The following ELAPOR1 variants were observed in gnomAD, a reference collection of about 807,000 sequenced individuals.
ELAPOR1 encodes endosome-lysosome associated apoptosis and autophagy regulator 1, also known as endosome/lysosome-associated apoptosis and autophagy regulator 1.
In ELAPOR1, 77 loss-of-function variants were observed where a neutral mutation model predicts 119.7. The ratio of observed to expected loss-of-function variants is 0.64; its 90% confidence interval spans 0.54 to 0.78. ELAPOR1 has a LOEUF of 0.78. Ranked by LOEUF, ELAPOR1 falls within the 30% of genes least tolerant of loss-of-function variation. The pLI is 0.00. For missense variants in ELAPOR1, 1,115 were observed against 1,270.4 expected, an observed-to-expected ratio of 0.88 and a Z score of 1.86; for synonymous variants, 481 against 487.2, an observed-to-expected ratio of 0.99 and a Z score of 0.17.
intron 3 of ELAPOR1, among the ~76,000 whole-genome samples, chr1:109,166,380 T>C (rs1651603027): frequency 6.6e-6 from 1 of 152,228 alleles, no homozygotes; most frequent in African/African-American, 2.4e-5. Flanking sequence ...TGCCTAGCCT[T>C]TGCCCAGTGC....
intron 7 of ELAPOR1, among the ~76,000 whole-genome samples, chr1:109,181,896 G>A (rs1332736953): frequency 6.6e-6 from 1 of 152,168 alleles, no homozygotes; most frequent in Admixed American, 6.5e-5. Context: ...CAACAAGACT[G>A]CAATTAGGAG....
intron 3 of ELAPOR1, among the ~76,000 whole-genome samples, chr1:109,167,633 A>C (rs538888288): frequency 4.6e-5 from 7 of 151,934 alleles, no homozygotes; most frequent in Admixed American, 4.6e-4. Flanking sequence ...TTAAGAAACA[A>C]GGTCTCACTC....
At chr1:109,116,680 C>CTTCTGTTCTTTT (rs777051377) in intron 1 of ELAPOR1, among the ~76,000 whole-genome samples, 1 of 96,868 alleles carries the variant, frequency 1.0e-5, no homozygotes, top group African/African-American at 3.8e-5. Context: ...CTTCTCTGTT[C>CTTCTGTTCTTTT]TTTTTTTTTT....
At chr1:109,130,593 C>T (rs1376673048) in intron 1 of ELAPOR1, among the ~76,000 whole-genome samples, 1 of 151,968 alleles carries the variant, frequency 6.6e-6, no homozygotes, top group Non-Finnish European at 1.5e-5. Flanking sequence ...GTGATCCTGG[C>T]ACCTCGGCCT....
chr1:109,156,934 C>T lies in ELAPOR1; in HGVS notation c.154-4960C>T, dbSNP rs141579773. 3.5e-4 allele frequency among the ~76,000 whole-genome samples: 53 copies of T among 152,282 alleles called. No homozygotes were observed. The East Asian group carries it at 9.6e-3, about 28-fold the overall frequency. ...ATGTAATAAGGAGGCAATAGTTCCT[C>T]CCAGAGAGGTGCTTCTCTCAGAAGA... On this transcript the variant is annotated intron_variant, in intron 1 of 21. Coordinates refer to ENST00000369939, the MANE Select transcript of ELAPOR1 (RefSeq NM_020775.5).
intron 3 of ELAPOR1, among the ~76,000 whole-genome samples, chr1:109,167,255 T>C (rs1174721392): frequency 6.6e-6 from 1 of 152,120 alleles, no homozygotes; most frequent in Non-Finnish European, 1.5e-5. Context: ...GAAATCATTA[T>C]CTCTCAGAGA....
chr1:109,159,528 G>A lies in ELAPOR1; in HGVS notation c.154-2366G>A, dbSNP rs140875489. ...TTGGGCCTCAGAAGTGAGCCTGGCT[G>A]CTGGCACACAACCAACACTGTCATG... On this transcript the variant is annotated intron_variant, in intron 1 of 21. Coordinates refer to ENST00000369939, the MANE Select transcript of ELAPOR1 (RefSeq NM_020775.5). 1.1e-4 allele frequency among the ~76,000 whole-genome samples: 17 copies of A among 152,316 alleles called. No individual in the cohort carries two copies. In the East Asian group the frequency reaches 1.9e-3, roughly 17 times the overall value.
intron 1 of ELAPOR1, among the ~76,000 whole-genome samples, chr1:109,126,338 A>G (rs781104350): frequency 1.3e-4 from 20 of 152,214 alleles, no homozygotes; most frequent in Non-Finnish European, 8.8e-5. Flanking sequence ...AAAAAAGTGC[A>G]AGGCCAGGTA....
intron 1 of ELAPOR1, among the ~76,000 whole-genome samples, chr1:109,140,029 T>G (rs567419591): frequency 1.3e-5 from 2 of 152,210 alleles, no homozygotes; most frequent in African/African-American, 4.8e-5. Context: ...ACTCAAAGTA[T>G]TGGGATTACA....
intron 1 of ELAPOR1, 122 bp from the exon 2 acceptor site, chr1:109,161,772 G>A: frequency 4.1e-6 from 5 of 1,228,994 alleles, no homozygotes; most frequent in South Asian, 1.4e-5. Flanking sequence ...CCTGCCCGGG[G>A]TCCCAGGGCC....
rs145393158 is a variant in ELAPOR1, at chr1:109,136,379, G to C, written c.153+22043G>C. ...CCAAGGAAATCAAGGATGGCTGGCTGTCCCCCGAAGCCAGGGCAGAAGCAG... is the reference window on the plus strand; with the variant it reads ...CCAAGGAAATCAAGGATGGCTGGCTCTCCCCCGAAGCCAGGGCAGAAGCAG... On this transcript the variant is annotated intron_variant, in intron 1 of 21. Transcript: ENST00000369939. Among the ~76,000 whole-genome samples, 512 of 152,304 alleles carry C rather than the reference G, an allele frequency of 3.4e-3. 3 individuals are homozygous for C. Among genetic ancestry groups the C allele is most frequent in the African/African-American group, 0.012 (489 of 41,564 alleles).
At position 109,186,722 on chromosome 1, in the gene ELAPOR1, C is replaced by G. The variant is rs528976507; in HGVS notation, c.1042-1455C>G. 27 of 985,554 alleles carry G rather than the reference C, an allele frequency of 2.7e-5. No homozygotes were observed. In the South Asian group the frequency reaches 1.2e-3, roughly 43 times the overall value. The allele number at this position is 985,554 out of a possible 1,614,324, so 61.1% of individuals were successfully genotyped here. A position where few individuals can be genotyped will look rare whatever the true frequency, so the allele number is the denominator to read the frequency against. On this transcript the variant is annotated intron_variant, in intron 8 of 21. Coordinates refer to ENST00000369939, the MANE Select transcript of ELAPOR1 (RefSeq NM_020775.5). Reference sequence around the variant, plus strand: ...AAAAGGCAGACAATTAATCCTGCTGCTCTTCTCCCTCCTGTTCATAACATG... The same window carrying G: ...AAAAGGCAGACAATTAATCCTGCTGGTCTTCTCCCTCCTGTTCATAACATG...
chr1:109,145,748 A>C (rs1393025058), intron 1 of ELAPOR1, among the ~76,000 whole-genome samples: 4 of 152,212 alleles, frequency 2.6e-5, no homozygotes, highest in African/African-American at 2.4e-5. Context: ...GATGACTATG[A>C]AGAAAACATT....
intron 1 of ELAPOR1, among the ~76,000 whole-genome samples, chr1:109,123,029 C>G (rs1648546396): frequency 6.6e-6 from 1 of 152,150 alleles, no homozygotes; most frequent in African/African-American, 2.4e-5. Flanking sequence ...TTGTTTAGCC[C>G]ACAATCCTGT....
At chr1:109,190,210 T>C (rs755875562) in intron 11 of ELAPOR1, among the ~76,000 whole-genome samples, 3 of 152,196 alleles carry the variant, frequency 2.0e-5, no homozygotes, top group Non-Finnish European at 2.9e-5. Flanking sequence ...GACAGGGCAC[T>C]TGTGCTTTGC....
intron 1 of ELAPOR1, among the ~76,000 whole-genome samples, chr1:109,153,387 C>T (rs917032944): frequency 2.0e-5 from 3 of 152,058 alleles, no homozygotes; most frequent in Non-Finnish European, 4.4e-5. Context: ...AAATGGAACA[C>T]AACTCCAGGT....
chr1:109,183,345 AAAACAAAAAAAAG>A (rs1392256382), intron 7 of ELAPOR1, among the ~76,000 whole-genome samples: 17 of 117,484 alleles, frequency 1.4e-4, no homozygotes, highest in Admixed American at 9.3e-4. Context: ...AAAAAAAAAA[AAAACAAAAAAAAG>A]AGAGAGAGAG....
intron 4 of ELAPOR1, 24 bp downstream of exon 4, chr1:109,172,037 G>A (rs771340400): frequency 5.6e-6 from 9 of 1,613,878 alleles, no homozygotes; most frequent in Non-Finnish European, 5.9e-6. Flanking sequence ...CAAGGTGGAG[G>A]GTGGGAGCTA....
intron 1 of ELAPOR1, among the ~76,000 whole-genome samples, chr1:109,118,900 C>CTTTTTTTTTTT (rs777752743): frequency 0.069 from 8,752 of 126,896 alleles, 548 homozygotes; most frequent in African/African-American, 0.12. Context: ...TTTGGTTCTT[C>CTTTTTTTTTTT]TTTTTTTTTT....
Sources: gnomAD v4.1 joint callset for allele counts (sites outside exome capture counted in the v4.1 genomes callset) on GRCh38, gnomAD v4.1.1 for gene constraint, MANE v1.5 for transcripts, NCBI Gene and HGNC (gene_info 2026-07-23, HGNC 2026-07-21) for gene names.